Variants in CCDC146 observed in about 807,000 individuals in gnomAD.
CCDC146 encodes coiled-coil domain containing 146, also known as coiled-coil domain-containing protein 146.
A neutral mutation model predicts 119.3 loss-of-function variants in CCDC146; 92 were observed. The observed-to-expected ratio is 0.77, with a 90% CI of 0.65 to 0.92. CCDC146 has a LOEUF of 0.92. Among genes scored for constraint, CCDC146 ranks in the 40% least tolerant of loss-of-function variants. The pLI, the probability that CCDC146 is intolerant of heterozygous loss-of-function variation, is 0.00. For missense variants in CCDC146, 1,000 were observed against 1,103.0 expected (o/e 0.91, Z 1.32); for synonymous variants, 372 against 371.8 (o/e 1.00, Z -0.01).
At chr7:77,259,581 G>C (rs954030138) in intron 7 of CCDC146, among the ~76,000 whole-genome samples, 2 of 152,128 alleles carry the variant, frequency 1.3e-5, no homozygotes, top group Non-Finnish European at 2.9e-5. Flanking sequence ...AAAAATTCTG[G>C]AAAAATAATA....
At chr7:77,174,924 T>C (rs1791479871) in intron 2 of CCDC146, among the ~76,000 whole-genome samples, 1 of 152,182 alleles carries the variant, frequency 6.6e-6, no homozygotes, top group Admixed American at 6.5e-5. Flanking sequence ...TATTCAGCTT[T>C]AGTAAAGACC....
Position 77,188,177 on chromosome 7 carries a change from ATTGT to A in CCDC146, c.156+20359_156+20362del, listed in dbSNP as rs1354215670. On this transcript the variant is annotated intron_variant, in intron 2 of 18. Transcript: ENST00000285871. ...ATTATGGGGGCTGCCTGATTCACAA[ATTGT>A]TTGTTGCTTACTTAAACTGCTTTAA... is the stretch of plus-strand genomic sequence containing the variant. Among the ~76,000 whole-genome samples the A allele has an allele frequency of 3.9e-5, 6 of 152,264 alleles. No individual in the cohort carries two copies. The East Asian group carries it at 9.7e-4, about 25-fold the overall frequency.
Position 77,280,938 on chromosome 7 carries a change from C to T in CCDC146, c.1919+285C>T, listed in dbSNP as rs563842182. On this transcript the variant is annotated intron_variant, in intron 14 of 18. Transcript: ENST00000285871. ...GCAATAGGGTGAAACCCCATCCCTACTAAAAATACAAGAAATTAGCCAGGT... is the reference window on the plus strand; with the variant it reads ...GCAATAGGGTGAAACCCCATCCCTATTAAAAATACAAGAAATTAGCCAGGT... 2.0e-5 allele frequency among the ~76,000 whole-genome samples: 3 copies of T among 152,162 alleles called. No individual in the cohort carries two copies. The South Asian group carries it at 6.2e-4, about 32-fold the overall frequency.
chr7:77,290,802 A>G (rs1394479846), intron 17 of CCDC146, among the ~76,000 whole-genome samples: 1 of 152,214 alleles, frequency 6.6e-6, no homozygotes, highest in Non-Finnish European at 1.5e-5. Context: ...ATAATCAGTT[A>G]TTACATTTTC....
intron 11 of CCDC146, among the ~76,000 whole-genome samples, chr7:77,278,435 ATTTTTTTTTTTTTTTT>A (rs140968354): frequency 9.7e-6 from 1 of 103,344 alleles, no homozygotes; most frequent in Admixed American, 1.2e-4. Flanking sequence ...CCAAGAAATA[ATTTTTTTTTTTTTTTT>A]TTTTTTTTTG....
chr7:77,216,980 G>T (rs1440961431), intron 2 of CCDC146, among the ~76,000 whole-genome samples: 1 of 151,954 alleles, frequency 6.6e-6, no homozygotes, highest in East Asian at 1.9e-4. Context: ...TTGTTCTACA[G>T]TGTGTGTTTT....
chr7:77,259,761 A>T (rs543202279), intron 7 of CCDC146, among the ~76,000 whole-genome samples: 1 of 152,258 alleles, frequency 6.6e-6, no homozygotes, highest in African/African-American at 2.4e-5. Context: ...ATCTGCACAG[A>T]AAGTAGGGAG....
chr7:77,219,473 G>C (rs10272299), intron 2 of CCDC146, among the ~76,000 whole-genome samples: 3 of 152,056 alleles, frequency 2.0e-5, no homozygotes, highest in Admixed American at 6.5e-5. Flanking sequence ...AGGAAATTCC[G>C]GGATAATCTG....
At chr7:77,163,105 T>C (rs1791285908) in intron 1 of CCDC146, among the ~76,000 whole-genome samples, 1 of 152,224 alleles carries the variant, frequency 6.6e-6, no homozygotes, top group African/African-American at 2.4e-5. Flanking sequence ...TGCAGTGCTC[T>C]GAGAAATTGT....
rs948454632 is a variant in CCDC146, at chr7:77,241,320, G to A, written c.240-371G>A. Among the ~76,000 whole-genome samples, 2 of 95,170 alleles carry A rather than the reference G, an allele frequency of 2.1e-5. 1 individual carries two copies. The highest frequency in any genetic ancestry group is 2.1e-4 in the Admixed American group (2 of 9,598). The allele number at this position is 95,170 out of a possible 152,430, so 62.4% of individuals were successfully genotyped here. A position where few individuals can be genotyped will look rare whatever the true frequency, so the allele number is the denominator to read the frequency against. On this transcript the variant is annotated intron_variant, in intron 3 of 18. Transcript: ENST00000285871. Reference sequence around the variant, plus strand: ...GATCCGCCTGCCTCGGCCTCCCAAAGTGCTGGGATTACAGGCATGAGCCAT... The same window carrying A: ...GATCCGCCTGCCTCGGCCTCCCAAAATGCTGGGATTACAGGCATGAGCCAT...
intron 2 of CCDC146, among the ~76,000 whole-genome samples, chr7:77,172,352 A>C (rs1408874619): frequency 3.3e-5 from 5 of 152,248 alleles, no homozygotes; most frequent in Non-Finnish European, 7.3e-5. Context: ...TCAGTTGTTT[A>C]AACAGAAACT....
intron 2 of CCDC146, among the ~76,000 whole-genome samples, chr7:77,208,527 C>G (rs549616042): frequency 6.6e-6 from 1 of 152,330 alleles, no homozygotes; most frequent in East Asian, 1.9e-4. Flanking sequence ...TATGGCACCA[C>G]CATCCTATAT....
chr7:77,134,929 A>G (rs2117403206), intron 1 of CCDC146, among the ~76,000 whole-genome samples: 1 of 152,364 alleles, frequency 6.6e-6, no homozygotes, highest in East Asian at 1.9e-4. Flanking sequence ...GTACAACAAT[A>G]AATGCAGTAT....
At chr7:77,265,340 T>C (rs537869559) in intron 9 of CCDC146, among the ~76,000 whole-genome samples, 4 of 152,360 alleles carry the variant, frequency 2.6e-5, no homozygotes, top group South Asian at 2.1e-4. Context: ...AACAATGGGA[T>C]AAAATGTATA....
At chr7:77,278,636 GGTCTC>G (rs769595279) in intron 11 of CCDC146, 111 bp from the exon 12 acceptor site, 167 of 701,002 alleles carry the variant, frequency 2.4e-4, no homozygotes, top group Non-Finnish European at 3.8e-4. Context: ...GTAGAGATGA[GGTCTC>G]ACTATGTTGC....
intron 1 of CCDC146, among the ~76,000 whole-genome samples, chr7:77,142,656 C>T (rs935974570): frequency 5.9e-5 from 9 of 151,276 alleles, no homozygotes; most frequent in Non-Finnish European, 1.3e-4. Context: ...TGAGTGAGAA[C>T]ATGCAGTGTT....
At chr7:77,195,424 T>A (rs1791849162) in intron 2 of CCDC146, 1 of 152,198 alleles carries the variant, frequency 6.6e-6, no homozygotes, top group African/African-American at 2.4e-5. Flanking sequence ...TATTTTATAT[T>A]TCATGAATGA....
intron 15 of CCDC146, among the ~76,000 whole-genome samples, chr7:77,284,908 T>C (rs1793822277): frequency 6.6e-6 from 1 of 152,082 alleles, no homozygotes; most frequent in South Asian, 2.1e-4. Flanking sequence ...AGGCAAGCCA[T>C]TTCTGTGCCC....
intron 11 of CCDC146, among the ~76,000 whole-genome samples, chr7:77,275,526 G>A (rs1793617543): frequency 6.6e-6 from 1 of 152,166 alleles, no homozygotes; most frequent in Non-Finnish European, 1.5e-5. Context: ...TGCCTCCAGT[G>A]GACAGGGCTG....
Sources: allele counts gnomAD v4.1 joint callset (sites outside exome capture counted in the v4.1 genomes callset), GRCh38; gene constraint gnomAD v4.1.1; transcripts MANE v1.5; gene names NCBI Gene and HGNC (gene_info 2026-07-23, HGNC 2026-07-21).